FRAS1: variants seen among roughly 807,000 people sequenced by gnomAD.
The protein encoded by FRAS1 is Fraser extracellular matrix complex subunit 1.
A neutral mutation model predicts 435.2 loss-of-function variants in FRAS1; 290 were observed. That is an observed-to-expected ratio of 0.67 (90% CI 0.61 to 0.73). FRAS1 has a LOEUF of 0.73. Among genes scored for constraint, FRAS1 ranks in the 30% least tolerant of loss-of-function variants. The probability of loss-of-function intolerance (pLI) is 0.00; values close to 1 mark genes in which losing one functional copy is unlikely to be tolerated. For synonymous variants in FRAS1, 1,800 were observed against 1,851.0 expected (o/e 0.97, Z 0.71); for missense variants, 4,860 against 5,001.5 (o/e 0.97, Z 0.85).
chr4:78,329,559 G>A (rs770258185), intron 18 of FRAS1, among the ~76,000 whole-genome samples: 5 of 152,218 alleles, frequency 3.3e-5, no homozygotes, highest in East Asian at 1.9e-4. Flanking sequence ...ACAAGGCATC[G>A]ATCAGAAATT....
intron 41 of FRAS1, chr4:78,444,146 T>C (rs1718694879): frequency 2.2e-6 from 1 of 455,522 alleles, no homozygotes. Context: ...TGAGCCACCA[T>C]GCCCAGTCAC....
chr4:78,308,212 G>C lies in FRAS1; in HGVS notation c.1678+3G>C. 6.2e-7 allele frequency: 1 copy of C among 1,613,736 alleles called. No individual in the cohort carries two copies. Among genetic ancestry groups the C allele is most frequent in the Non-Finnish European group, 8.5e-7 (1 of 1,179,766 alleles). On this transcript the variant is annotated splice_donor_region_variant and intron_variant, in intron 15 of 73. Transcript: ENST00000512123. The stretch of plus-strand genomic sequence containing the variant: ...CAACAGGCAGGGCACCTGTAGCGGT[G>C]AGTGCTGGGTTGCGATGCTGACGTG...
chr4:78,268,805 A>G (rs1726501430), intron 9 of FRAS1, among the ~76,000 whole-genome samples: 1 of 152,178 alleles, frequency 6.6e-6, no homozygotes, highest in Non-Finnish European at 1.5e-5. Flanking sequence ...ATTCTTGGCT[A>G]TTCTTAGGGA....
intron 2 of FRAS1, among the ~76,000 whole-genome samples, chr4:78,182,707 G>GTC (rs1362457651): frequency 6.6e-6 from 1 of 151,818 alleles, no homozygotes; most frequent in East Asian, 1.9e-4. Flanking sequence ...GTGAAACCCC[G>GTC]TCTCTACTAA....
At chr4:78,086,389 T>C (rs947646106) in intron 2 of FRAS1, among the ~76,000 whole-genome samples, 1 of 152,020 alleles carries the variant, frequency 6.6e-6, no homozygotes, top group Non-Finnish European at 1.5e-5. Context: ...AGCAAACACA[T>C]TCAAAAGCTA....
intron 2 of FRAS1, among the ~76,000 whole-genome samples, chr4:78,149,918 T>C (rs570986154): frequency 1.3e-5 from 2 of 152,286 alleles, no homozygotes; most frequent in Non-Finnish European, 2.9e-5. Flanking sequence ...TATGTGTTTT[T>C]GTGTTCACCA....
At chr4:78,335,825 T>C (rs1730147840) in intron 19 of FRAS1, among the ~76,000 whole-genome samples, 1 of 152,102 alleles carries the variant, frequency 6.6e-6, no homozygotes, top group Non-Finnish European at 1.5e-5. Flanking sequence ...AAATCACTAG[T>C]TGGGATTAGT....
chr4:78,434,666 A>G (rs889742406), intron 38 of FRAS1, among the ~76,000 whole-genome samples: 2 of 152,160 alleles, frequency 1.3e-5, no homozygotes, highest in Non-Finnish European at 2.9e-5. Flanking sequence ...AAAGTATTAG[A>G]AAAAAAGGAG....
intron 47 of FRAS1, among the ~76,000 whole-genome samples, chr4:78,460,669 C>T (rs1171753042): frequency 6.6e-6 from 1 of 152,170 alleles, no homozygotes; most frequent in African/African-American, 2.4e-5. Flanking sequence ...CACACCTGGG[C>T]TATATGCATA....
At chr4:78,316,314 G>T (rs1729242941) in intron 16 of FRAS1, among the ~76,000 whole-genome samples, 1 of 152,154 alleles carries the variant, frequency 6.6e-6, no homozygotes, top group Admixed American at 6.5e-5. Flanking sequence ...GTAACTCTGA[G>T]AACTTCTTGT....
At chr4:78,443,561 C>T (rs1265473438) in intron 41 of FRAS1, among the ~76,000 whole-genome samples, 2 of 152,236 alleles carry the variant, frequency 1.3e-5, no homozygotes, top group Admixed American at 6.5e-5. Flanking sequence ...TTGATTCCCT[C>T]TGGGTATCAC....
intron 2 of FRAS1, among the ~76,000 whole-genome samples, chr4:78,089,651 A>G (rs1356951771): frequency 2.5e-5 from 2 of 80,254 alleles, no homozygotes; most frequent in Middle Eastern, 8.2e-3. Flanking sequence ...AAGAACACAT[A>G]ATATAAAAGT....
intron 2 of FRAS1, among the ~76,000 whole-genome samples, chr4:78,182,499 A>G (rs1351154266): frequency 1.3e-5 from 2 of 152,224 alleles, no homozygotes; most frequent in Non-Finnish European, 2.9e-5. Context: ...AGCAGAGTGC[A>G]GGAGAAAAGT....
rs757956184 is a variant in FRAS1, at chr4:78,464,515, C to T, written c.6961C>T (p.Arg2321Trp). 11 of 1,613,896 alleles carry T rather than the reference C, an allele frequency of 6.8e-6. No homozygotes were observed. The highest frequency in any genetic ancestry group is 6.6e-5 in the South Asian group (6 of 91,078). ...GCCCGTCGTACAGAACTTAGGAATG[C>T]GGGTGCAGGAGGGCATGAGGAAGAC... ...SLPVVQNLGM[R>W]VQEGMRKTIT... Residue 2321 changes from arginine (R) to tryptophan (W), a missense_variant, in exon 49 of 74, where the codon CGG becomes TGG. By Grantham distance (101) the Arg-to-Trp change is moderately radical. Coordinates refer to ENST00000512123, the MANE Select transcript of FRAS1 (RefSeq NM_025074.7).
intron 24 of FRAS1, 91 bp from the exon 25 acceptor site, chr4:78,374,020 G>A: frequency 2.3e-6 from 3 of 1,302,174 alleles, no homozygotes; most frequent in South Asian, 3.4e-5. Flanking sequence ...AGGCTGTACT[G>A]CTGCTGGACA....
In FRAS1 at chr4:78,267,306, C is replaced by T; in HGVS notation, c.855C>T (p.Cys285=). ...CEECVSPAGS[C]SYDGVVRYQD... ...AATGTGTGTCTCCTGCCGGGAGCTG[C>T]TCCTATGATGGAGTTGTGCGGTACC... Residue 285 remains cysteine (C), a synonymous_variant, in exon 9 of 74, where the codon TGC becomes TGT. Coordinates refer to ENST00000512123, the MANE Select transcript of FRAS1 (RefSeq NM_025074.7). The T allele has an allele frequency of 1.9e-6, 3 of 1,613,830 alleles. No homozygotes were observed. In the South Asian group the frequency reaches 3.3e-5, roughly 18 times the overall value.
chr4:78,345,597 T>C (rs1172672652), intron 20 of FRAS1, among the ~76,000 whole-genome samples: 1 of 152,112 alleles, frequency 6.6e-6, no homozygotes, highest in Non-Finnish European at 1.5e-5. Flanking sequence ...CTTATCTTCT[T>C]TTTTTGTGTT....
At chr4:78,504,348 G>A (rs1299435135) in intron 61 of FRAS1, among the ~76,000 whole-genome samples, 2 of 152,124 alleles carry the variant, frequency 1.3e-5, no homozygotes, top group East Asian at 3.9e-4. Context: ...TTATTGTGTG[G>A]GAATCTAAAT....
rs190363784 is a variant in FRAS1, at chr4:78,434,530, G to A, written c.5217+1926G>A. On this transcript the variant is annotated intron_variant, in intron 38 of 73. Coordinates refer to ENST00000512123, the MANE Select transcript of FRAS1 (RefSeq NM_025074.7). ...GAACCAGCCAAAAATAAAATTATTT[G>A]AAATATGATTCTGTGTATAATAACA... is the stretch of plus-strand genomic sequence containing the variant. 3.4e-4 allele frequency among the ~76,000 whole-genome samples: 52 copies of A among 152,226 alleles called. 1 individual carries two copies. The East Asian group carries it at 8.3e-3, about 24-fold the overall frequency.
Sources: gnomAD v4.1 joint callset for allele counts (sites outside exome capture counted in the v4.1 genomes callset) on GRCh38, gnomAD v4.1.1 for gene constraint, MANE v1.5 for transcripts, NCBI Gene and HGNC (gene_info 2026-07-23, HGNC 2026-07-21) for gene names.